The following APPL2 variants were observed in gnomAD, a reference collection of about 807,000 sequenced individuals.
APPL2 encodes DCC-interacting protein 13-beta.
A neutral mutation model predicts 92.7 loss-of-function variants in APPL2; 84 were observed. That is an observed-to-expected ratio of 0.91 (90% CI 0.76 to 1.09). The LOEUF is 1.09. Ranked by LOEUF, APPL2 falls within the 50% of genes least tolerant of loss-of-function variation. APPL2 has a pLI of 0.00. For missense variants in APPL2, 736 were observed against 824.5 expected, an observed-to-expected ratio of 0.89 and a Z score of 1.31; for synonymous variants, 291 against 291.0, an observed-to-expected ratio of 1.00 and a Z score of 0.00.
chr12:105,202,307 G>A (rs1888280973), intron 9 of APPL2, among the ~76,000 whole-genome samples: 1 of 152,154 alleles, frequency 6.6e-6, no homozygotes, highest in Non-Finnish European at 1.5e-5. Context: ...TCTCAGGATG[G>A]CTGGTGCTAT....
At chr12:105,198,275 A>T (rs576659699) in intron 10 of APPL2, among the ~76,000 whole-genome samples, 1 of 152,296 alleles carries the variant, frequency 6.6e-6, no homozygotes, top group East Asian at 1.9e-4. Context: ...GAACACCTGG[A>T]GAATCATTTC....
At chr12:105,221,015 C>T (rs1397967447) in intron 2 of APPL2, among the ~76,000 whole-genome samples, 1 of 152,246 alleles carries the variant, frequency 6.6e-6, no homozygotes, top group African/African-American at 2.4e-5. Context: ...AACATGCTTA[C>T]AACACAGCCT....
chr12:105,185,016 T>G (rs1311973789), intron 17 of APPL2, among the ~76,000 whole-genome samples: 1 of 152,138 alleles, frequency 6.6e-6, no homozygotes, highest in African/African-American at 2.4e-5. Context: ...TGCGGCAGGC[T>G]CAGCCCAGTA....
At chr12:105,206,812 C>T in intron 8 of APPL2, 2 of 391,546 alleles carry the variant, frequency 5.1e-6, no homozygotes, top group Non-Finnish European at 9.0e-6. Context: ...ACAGGCTCTT[C>T]CCCAAGAGAG....
At chr12:105,207,288 G>T in intron 7 of APPL2, 81 bp from the exon 8 acceptor site, 1 of 1,362,164 alleles carries the variant, frequency 7.3e-7, no homozygotes, top group South Asian at 1.4e-5. Flanking sequence ...CAAAATGTGT[G>T]TTTATGCATT....
intron 2 of APPL2, among the ~76,000 whole-genome samples, chr12:105,220,216 G>C (rs544659074): frequency 6.6e-6 from 1 of 152,304 alleles, no homozygotes; most frequent in East Asian, 1.9e-4. Flanking sequence ...GAGAGGAGAA[G>C]GCCTCTGCTT....
At chr12:105,182,592 C>G (rs1238903856) in intron 17 of APPL2, among the ~76,000 whole-genome samples, 2 of 152,174 alleles carry the variant, frequency 1.3e-5, no homozygotes, top group African/African-American at 4.8e-5. Flanking sequence ...ATCCAGAGTT[C>G]TAATTTGATT....
intron 17 of APPL2, among the ~76,000 whole-genome samples, chr12:105,184,061 C>G (rs1886371488): frequency 6.6e-6 from 1 of 152,204 alleles, no homozygotes; most frequent in Admixed American, 6.5e-5. Flanking sequence ...ACTATTGATA[C>G]TTGTGTATGC....
chr12:105,231,183 A>G (rs748298156), intron 1 of APPL2, among the ~76,000 whole-genome samples: 9 of 152,250 alleles, frequency 5.9e-5, no homozygotes, highest in Non-Finnish European at 1.2e-4. Context: ...GAGAAGTGAT[A>G]TAACTGGATT....
rs746211065 is a variant in APPL2, at chr12:105,190,080, T to G, written c.1317A>C (p.Glu439Asp). ...TTCCAGGCGCGATCAGCTCCTCTGC[T>G]TCAGGTAGACTGGCTGTTGCTTTGG... The part of the protein sequence containing the change: ...IVPKATASLP[E>D]AEELIAPGTP... Residue 439 changes from glutamate to aspartate, a missense_variant, in exon 15 of 21, where the codon GAA (glutamate) becomes GAC (aspartate). Transcript: ENST00000258530. 1 of 1,614,238 alleles carries G rather than the reference T, an allele frequency of 6.2e-7. No homozygotes were observed. Among genetic ancestry groups the G allele is most frequent in the Admixed American group, 1.7e-5 (1 of 60,028 alleles).
intron 9 of APPL2, among the ~76,000 whole-genome samples, chr12:105,202,006 C>A (rs1320390989): frequency 2.6e-5 from 4 of 152,192 alleles, no homozygotes; most frequent in African/African-American, 9.7e-5. Flanking sequence ...GCTGCTCATG[C>A]ATGGCAATGC....
At chr12:105,179,446 T>A (rs1010934197) in intron 17 of APPL2, among the ~76,000 whole-genome samples, 1 of 152,222 alleles carries the variant, frequency 6.6e-6, no homozygotes, top group Non-Finnish European at 1.5e-5. Context: ...GCAATACACA[T>A]AGTGTGCATG....
intron 20 of APPL2, 140 bp downstream of exon 20, chr12:105,175,895 G>T (rs1885494650): frequency 1.3e-6 from 1 of 746,510 alleles, no homozygotes. Flanking sequence ...ACCTCTGGTG[G>T]TTAGAATACT....
intron 17 of APPL2, among the ~76,000 whole-genome samples, chr12:105,184,332 G>A (rs1196854): frequency 0.37 from 55,863 of 152,030 alleles, 11,194 homozygotes; most frequent in Middle Eastern, 0.55. Context: ...TTTGGAGGAG[G>A]AGAGGCATTC....
intron 2 of APPL2, among the ~76,000 whole-genome samples, chr12:105,221,237 A>G (rs371743704): frequency 6.6e-6 from 1 of 152,208 alleles, no homozygotes; most frequent in Non-Finnish European, 1.5e-5. Context: ...GTGAGGAGTA[A>G]ATATTAGCAA....
At chr12:105,200,864 GTATCTATCTATCTATCTATC>G (rs202172435) in intron 9 of APPL2, among the ~76,000 whole-genome samples, 168 of 135,062 alleles carry the variant, frequency 1.2e-3, no homozygotes, top group East Asian at 7.6e-3. Flanking sequence ...ATGTATGTAT[GTATCTATCTATCTATCTATC>G]TATCTATCTA....
At chr12:105,213,401 C>T (rs1373048967) in intron 4 of APPL2, among the ~76,000 whole-genome samples, 1 of 152,208 alleles carries the variant, frequency 6.6e-6, no homozygotes, top group African/African-American at 2.4e-5. Flanking sequence ...ATGGGGACAA[C>T]AGCATCTTCC....
rs78042455 is a variant in APPL2 at position 105,194,048 on chromosome 12, C to A, written c.1241+1213G>T. On this transcript the variant is annotated intron_variant, in intron 14 of 20. Coordinates refer to ENST00000258530, the MANE Select transcript of APPL2 (RefSeq NM_018171.5). Reference sequence around the variant, plus strand: ...ATGTGAACGCTGGCTCCACACTGCACAGATTCTGGGAAGTTACTTAACCAC... The same window carrying A: ...ATGTGAACGCTGGCTCCACACTGCAAAGATTCTGGGAAGTTACTTAACCAC... Among the ~76,000 whole-genome samples the A allele has an allele frequency of 2.8e-3, 433 of 152,316 alleles. 18 individuals are homozygous for A. In the East Asian group the frequency reaches 0.072, roughly 25 times the overall value.
intron 4 of APPL2, 37 bp from the exon 5 acceptor site, chr12:105,211,354 A>G (rs751004747): frequency 7.1e-7 from 1 of 1,404,008 alleles, no homozygotes; most frequent in African/African-American, 1.4e-5. Context: ...TAAATTAAAT[A>G]CATTATTATT....
Sources: allele counts gnomAD v4.1 joint callset (sites outside exome capture counted in the v4.1 genomes callset), GRCh38; gene constraint gnomAD v4.1.1; transcripts MANE v1.5; gene names NCBI Gene and HGNC (gene_info 2026-07-23, HGNC 2026-07-21).